Variants in ABL2 observed in about 807,000 individuals in gnomAD.
ABL2 encodes ABL proto-oncogene 2, non-receptor tyrosine kinase.
A neutral mutation model predicts 107.7 loss-of-function variants in ABL2; 49 were observed. The ratio of observed to expected loss-of-function variants is 0.45; its 90% CI spans 0.36 to 0.58. ABL2 has a LOEUF of 0.58. ABL2 is among the 20% of genes least tolerant of loss of function. The probability of loss-of-function intolerance (pLI) is 0.00; values close to 1 mark genes in which losing one functional copy is unlikely to be tolerated. For missense variants in ABL2, 1,245 were observed against 1,457.0 expected, an observed-to-expected ratio of 0.85 and a Z score of 2.37; for synonymous variants, 549 against 548.6, an observed-to-expected ratio of 1.00 and a Z score of -0.01.
At position 179,106,108 on chromosome 1, in the gene ABL2, G is replaced by A. The variant is rs934242589; in HGVS notation, c.*1610C>T. On this transcript the variant is annotated 3_prime_UTR_variant, in exon 12 of 12. Transcript: ENST00000502732. ...TTCCTAAGCTAATATTCCTTTGAGA[G>A]AATAAAATAAAAATATGTGTGTATT... 1.4e-5 allele frequency: 3 copies of A among 218,524 alleles called. No homozygotes were observed. The highest frequency in any genetic ancestry group is 4.5e-5 in the African/African-American group (2 of 44,570). 13.5% of individuals were successfully genotyped at this position (218,524 alleles called of 1,614,324 possible). A position where few individuals can be genotyped will look rare whatever the true frequency, so the allele number is the denominator to read the frequency against.
intron 1 of ABL2, among the ~76,000 whole-genome samples, chr1:179,166,776 C>CAAAAAAAAA (rs34173352): frequency 2.7e-5 from 2 of 75,388 alleles, no homozygotes; most frequent in Non-Finnish European, 4.8e-5. Flanking sequence ...GACTTCATCT[C>CAAAAAAAAA]AAAAAAAAAA....
Position 179,114,942 on chromosome 1 carries a change from T to C in ABL2, c.1497A>G (p.Glu499=). The C allele has an allele frequency of 3.1e-6, 5 of 1,612,730 alleles. No individual in the cohort carries two copies. Among genetic ancestry groups the C allele is most frequent in the East Asian group, 2.2e-5 (1 of 44,814 alleles). ...CAGGCTGTTCCATTCGATATCCTTT[T>C]TCTAGTAGGTCATAGACCTGAGACA... is the stretch of plus-strand genomic sequence containing the variant. The part of the protein sequence containing the change: ...IDLSQVYDLL[E]KGYRMEQPEG... Residue 499 remains glutamate, a synonymous_variant, in exon 9 of 12, where the codon GAA becomes GAG. Coordinates refer to ENST00000502732, the MANE Select transcript of ABL2 (RefSeq NM_007314.4).
chr1:179,225,191 C>A (rs1008082993), intron 1 of ABL2, among the ~76,000 whole-genome samples: 1 of 152,102 alleles, frequency 6.6e-6, no homozygotes, highest in Non-Finnish European at 1.5e-5. Flanking sequence ...TCACAGCTTA[C>A]CCACATATTA....
At chr1:179,213,836 T>TG (rs1662417227) in intron 1 of ABL2, among the ~76,000 whole-genome samples, 1 of 152,062 alleles carries the variant, frequency 6.6e-6, no homozygotes, top group Non-Finnish European at 1.5e-5. Context: ...CCCAGTACAT[T>TG]GGGATGCTAT....
In ABL2 at chr1:179,229,643, G is replaced by T; in HGVS notation, c.-246C>A. 2.0e-6 allele frequency: 1 copy of T among 496,712 alleles called. No homozygotes were observed. The highest frequency in any genetic ancestry group is 3.5e-6 in the Non-Finnish European group (1 of 287,762). 30.8% of individuals were successfully genotyped at this position (496,712 alleles called of 1,614,324 possible). The stretch of plus-strand genomic sequence containing the variant: ...GCTCCGCGCCCCCAACGCCGCCGCC[G>T]CCGCCGCCGCCACCGCCGCCGCCAT... On this transcript the variant is annotated 5_prime_UTR_variant, in exon 1 of 12. Coordinates refer to ENST00000502732, the MANE Select transcript of ABL2 (RefSeq NM_007314.4).
intron 11 of ABL2, 127 bp from the exon 12 acceptor site, chr1:179,109,568 G>C: frequency 7.2e-7 from 1 of 1,380,258 alleles, no homozygotes; most frequent in African/African-American, 1.4e-5. Context: ...GGACTCAGAA[G>C]CAAATAATAA....
chr1:179,154,113 T>C (rs541456414), intron 1 of ABL2, among the ~76,000 whole-genome samples: 1 of 152,320 alleles, frequency 6.6e-6, no homozygotes, highest in South Asian at 2.1e-4. Context: ...ATTATCTTAA[T>C]TCAGCTCCTC....
intron 1 of ABL2, among the ~76,000 whole-genome samples, chr1:179,206,278 A>G (rs1397550176): frequency 1.3e-5 from 2 of 152,204 alleles, no homozygotes; most frequent in African/African-American, 4.8e-5. Flanking sequence ...TTTAGCATAC[A>G]AAAAGGTGGA....
rs1241237097 is a variant in ABL2, at chr1:179,229,224, C to T, written c.157+17G>A. ...GGCCTCCCCCACGCTCTCATGCCGG[C>T]TCCCAGACACACTCACCATGCTGGG... On this transcript the variant is annotated intron_variant, in intron 1 of 11. Transcript: ENST00000502732. 6.8e-7 allele frequency: 1 copy of T among 1,462,714 alleles called. No homozygotes were observed. The highest frequency in any genetic ancestry group is 3.3e-5 in the East Asian group (1 of 30,312). 90.6% of individuals were successfully genotyped at this position (1,462,714 alleles called of 1,614,324 possible).
intron 5 of ABL2, among the ~76,000 whole-genome samples, chr1:179,121,046 A>G (rs1342783465): frequency 1.3e-5 from 2 of 152,226 alleles, no homozygotes; most frequent in Admixed American, 6.5e-5. Context: ...AATAGCCCTT[A>G]TAAGTGATAC....
intron 1 of ABL2, among the ~76,000 whole-genome samples, chr1:179,211,512 G>A (rs146301644): frequency 3.4e-4 from 51 of 151,864 alleles, no homozygotes; most frequent in Admixed American, 7.9e-4. Flanking sequence ...GTGAGATCCC[G>A]TCTCAAAAAA....
chr1:179,110,840 G>A (rs759431973), intron 10 of ABL2: 1 of 1,613,850 alleles, frequency 6.2e-7, no homozygotes, highest in African/African-American at 1.3e-5. Context: ...GCACAATGTA[G>A]GAGAACTGGT....
chr1:179,224,832 T>C (rs1185623812), intron 1 of ABL2, among the ~76,000 whole-genome samples: 1 of 139,454 alleles, frequency 7.2e-6, no homozygotes, highest in Non-Finnish European at 1.5e-5. Flanking sequence ...CTGAGCAACA[T>C]AGTGAGACCT....
chr1:179,215,766 A>G (rs2124840733), intron 1 of ABL2, among the ~76,000 whole-genome samples: 1 of 152,286 alleles, frequency 6.6e-6, no homozygotes, highest in Middle Eastern at 3.4e-3. Context: ...AAAAACCTTC[A>G]GGTATCAACC....
intron 9 of ABL2, 57 bp from the exon 10 acceptor site, chr1:179,112,455 G>A: frequency 1.4e-6 from 2 of 1,387,148 alleles, no homozygotes; most frequent in Non-Finnish European, 2.0e-6. Flanking sequence ...ATATCCAGTG[G>A]TGTATCTAAT....
chr1:179,199,000 C>T (rs1350872153), intron 1 of ABL2, among the ~76,000 whole-genome samples: 1 of 151,900 alleles, frequency 6.6e-6, no homozygotes, highest in Admixed American at 6.6e-5. Flanking sequence ...CACCACCATG[C>T]CCAGCTAATG....
In ABL2 at chr1:179,117,521, G is replaced by T; in HGVS notation, c.1224-5C>A. ...CAGTTACGAGCTGCAAGATCTCTGT[G>T]GGAAAGAGAACCCTAATGTGATTCC... On this transcript the variant is annotated splice_region_variant and splice_polypyrimidine_tract_variant and intron_variant, in intron 7 of 11. Coordinates refer to ENST00000502732, the MANE Select transcript of ABL2 (RefSeq NM_007314.4). 6.2e-7 allele frequency: 1 copy of T among 1,613,796 alleles called. No individual in the cohort carries two copies. The highest frequency in any genetic ancestry group is 1.1e-5 in the South Asian group (1 of 91,082).
At position 179,161,385 on chromosome 1, in the gene ABL2, A is replaced by T. The variant is rs1659060573; in HGVS notation, c.158-28011T>A. On this transcript the variant is annotated intron_variant, in intron 1 of 11. Transcript: ENST00000502732. ...AAAAAAAAAAAGGAAAAACAGATTT[A>T]AAAACTAAATGATACCATGCATGAA... Among the ~76,000 whole-genome samples, 5 of 151,670 alleles carry T rather than the reference A, an allele frequency of 3.3e-5. No individual in the cohort carries two copies. The South Asian group carries it at 8.3e-4, about 25-fold the overall frequency.
chr1:179,218,572 T>C (rs1251860103), intron 1 of ABL2, among the ~76,000 whole-genome samples: 1 of 152,106 alleles, frequency 6.6e-6, no homozygotes, highest in Non-Finnish European at 1.5e-5. Context: ...AATTTTTGTA[T>C]CTTTAGTAGA....
Sources: allele counts gnomAD v4.1 joint callset (sites outside exome capture counted in the v4.1 genomes callset), GRCh38; gene constraint gnomAD v4.1.1; transcripts MANE v1.5; gene names NCBI Gene and HGNC (gene_info 2026-07-23, HGNC 2026-07-21).